The following DPAGT1 variants were observed in gnomAD, a reference collection of about 807,000 sequenced individuals.
DPAGT1 encodes the protein UDP-N-acetylglucosamine--dolichyl-phosphate N-acetylglucosaminephosphotransferase.
DPAGT1 carries 25 observed loss-of-function variants against 39.3 expected under a neutral mutation model. The observed-to-expected ratio is 0.64, with a 90% CI of 0.46 to 0.89. The LOEUF (loss-of-function observed/expected upper bound fraction) is 0.89, where lower values mean the gene tolerates loss of function less well. DPAGT1 is among the 40% of genes least tolerant of loss of function. The pLI is 0.00. For synonymous variants in DPAGT1, 193 were observed against 201.4 expected (o/e 0.96, Z 0.36); for missense variants, 381 against 500.6 (o/e 0.76, Z 2.28).
Position 119,100,746 on chromosome 11 carries a change from AG to A in DPAGT1, c.379del (p.Leu127CysfsTer61). 6.2e-7 allele frequency: 1 copy of A among 1,614,212 alleles called. No individual in the cohort carries two copies. The highest frequency in any genetic ancestry group is 8.5e-7 in the Non-Finnish European group (1 of 1,180,040). ...AGGTAGTGAGGCAGCTGTAGGTAGCAGCAGCTTATGGCGCCAGCGCAGATTC... is the reference window on the plus strand; with the variant it reads ...AGGTAGTGAGGCAGCTGTAGGTAGCACAGCTTATGGCGCCAGCGCAGATTC... ...VLNLRWRHKL[L>X]LPTAASLPLL... is the part of the protein sequence containing the mutation. On this transcript the variant is annotated frameshift_variant, in exon 3 of 9. Coordinates refer to ENST00000354202, the MANE Select transcript of DPAGT1 (RefSeq NM_001382.4). LOFTEE classifies it high-confidence loss of function.
At chr11:119,099,755 T>A (rs536954886) in intron 4 of DPAGT1, among the ~76,000 whole-genome samples, 1 of 128,208 alleles carries the variant, frequency 7.8e-6, no homozygotes, top group Non-Finnish European at 1.5e-5. Context: ...CTCTCCAGCC[T>A]GCATGACAGA....
Position 119,097,384 on chromosome 11 carries a change from G to A in DPAGT1, c.1005+80C>T. On this transcript the variant is annotated intron_variant, in intron 7 of 8. Transcript: ENST00000354202. This position sits in a 1 kb window ranked among gnomAD's most constrained non-coding sequence, Gnocchi z 4.6. Reference sequence around the variant, plus strand: ...ATTTAATGCTTTCAAGTTCCCCTTGGATCTGATGTAGGACTAGGTTCCCCA... The same window carrying A: ...ATTTAATGCTTTCAAGTTCCCCTTGAATCTGATGTAGGACTAGGTTCCCCA... The A allele has an allele frequency of 1.2e-6, 2 of 1,612,218 alleles. No homozygotes were observed. Among genetic ancestry groups the A allele is most frequent in the Admixed American group, 3.3e-5 (2 of 60,020 alleles).
intron 4 of DPAGT1, among the ~76,000 whole-genome samples, chr11:119,099,687 G>C (rs1946459011): frequency 6.6e-6 from 1 of 151,176 alleles, no homozygotes; most frequent in Non-Finnish European, 1.5e-5. Context: ...TACTTGGGAG[G>C]CTGGGGCAGG....
In DPAGT1 at chr11:119,097,293, GC is replaced by G. The variant is rs1565762731; in HGVS notation, c.1009del (p.Ala337GlnfsTer7). ...SFLGTFILKV[A>X]ESLQLVTVHQ... ...TACTGTCACCAGCTGGAGGCTCTCT[GC>G]CACCTGGAGGGACCAGAGGTGAAGA... On this transcript the variant is annotated frameshift_variant, in exon 8 of 9. Transcript: ENST00000354202. LOFTEE classifies it high-confidence loss of function. This position sits in a 1 kb window ranked among gnomAD's most constrained non-coding sequence, Gnocchi z 4.6. The G allele has an allele frequency of 6.2e-7, 1 of 1,614,172 alleles. No individual in the cohort carries two copies. The highest frequency in any genetic ancestry group is 1.3e-5 in the African/African-American group (1 of 75,026).
Position 119,098,014 on chromosome 11 carries a change from G to GT in DPAGT1, c.757dup (p.Thr253AsnfsTer97). 1 of 1,614,180 alleles carries GT rather than the reference G, an allele frequency of 6.2e-7. No homozygotes were observed. Among genetic ancestry groups the GT allele is most frequent in the South Asian group, 1.1e-5 (1 of 91,082 alleles). ...GGTCATGCCAGCAAAGTAACAGAAG[G>GT]TATCTCCCACAAACACCCGTGATGG... On this transcript the variant is annotated frameshift_variant, in exon 6 of 9. Coordinates refer to ENST00000354202, the MANE Select transcript of DPAGT1 (RefSeq NM_001382.4). LOFTEE classifies it high-confidence loss of function.
Position 119,101,782 on chromosome 11 carries a change from G to A in DPAGT1, c.-127C>T, listed in dbSNP as rs943910308. 8.4e-6 allele frequency: 13 copies of A among 1,550,782 alleles called. No homozygotes were observed. The Admixed American group carries it at 1.9e-4, about 23-fold the overall frequency. On this transcript the variant is annotated 5_prime_UTR_variant, in exon 1 of 9. Coordinates refer to ENST00000354202, the MANE Select transcript of DPAGT1 (RefSeq NM_001382.4). Reference sequence around the variant, plus strand: ...GCAGGCTCTTCCCACACCAATCTGAGCAAAACCCAGCAACTCTGACTTGAG... The same window carrying A: ...GCAGGCTCTTCCCACACCAATCTGAACAAAACCCAGCAACTCTGACTTGAG...
At chr11:119,101,469 G>T in intron 1 of DPAGT1, 26 bp downstream of exon 1, 5 of 1,613,900 alleles carry the variant, frequency 3.1e-6, no homozygotes, top group Non-Finnish European at 4.2e-6. Flanking sequence ...CTTGCCCCCT[G>T]CCCGGACCCG....
chr11:119,097,163 T>C lies in DPAGT1; in HGVS notation c.1140A>G (p.Thr380=). The change falls in exon 8 of 9, where the codon ACA becomes ACG. Residue 380 remains threonine, a synonymous_variant. Coordinates refer to ENST00000354202, the MANE Select transcript of DPAGT1 (RefSeq NM_001382.4). This position sits in a 1 kb window ranked among gnomAD's most constrained non-coding sequence, Gnocchi z 4.6. ...VLGPIHERNL[T]LLLLLLQILG... is the part of the protein sequence containing the mutation. ...TCACCTGCAGCAGCAGCAGGAGCAA[T>C]GTGAGGTTTCTCTCATGTATGGGCC... The C allele has an allele frequency of 6.2e-7, 1 of 1,614,066 alleles. No individual in the cohort carries two copies. Among genetic ancestry groups the C allele is most frequent in the Non-Finnish European group, 8.5e-7 (1 of 1,180,002 alleles).
At chr11:119,095,508 C>T, downstream of DPAGT1, 1 of 1,150,794 alleles carries the variant, frequency 8.7e-7, no homozygotes. Flanking sequence ...GCCCCCAGGA[C>T]ACACCTCTGC....
In DPAGT1 at chr11:119,097,522, A is replaced by AT; in HGVS notation, c.946dup (p.Met316AsnfsTer34). On this transcript the variant is annotated frameshift_variant, in exon 7 of 9. Transcript: ENST00000354202. LOFTEE classifies it high-confidence loss of function. This position sits in a 1 kb window ranked among gnomAD's most constrained non-coding sequence, Gnocchi z 4.6. Reference sequence around the variant, plus strand: ...CTTGGTCTTGAACTTGGAATAGCTCATCTCCAGTTTGCCTGTCTTGATATT... The same window carrying AT: ...CTTGGTCTTGAACTTGGAATAGCTCATTCTCCAGTTTGCCTGTCTTGATATT... 3 of 1,612,258 alleles carry AT rather than the reference A, an allele frequency of 1.9e-6. No individual in the cohort carries two copies. Among genetic ancestry groups the AT allele is most frequent in the Non-Finnish European group, 2.5e-6 (3 of 1,178,234 alleles).
chr11:119,099,972 C>T lies in DPAGT1; in HGVS notation c.643+290G>A, dbSNP rs79524875. Among the ~76,000 whole-genome samples, 10,486 of 152,040 alleles carry T rather than the reference C, an allele frequency of 0.069. 511 individuals are homozygous for T. Among genetic ancestry groups the T allele is most frequent in the South Asian group, 0.28 (1,325 of 4,798 alleles). ...GTCTAGTTTTAGTCTTGCTCCATCA[C>T]GGTCACAGAATGACCCTGTGTAACG... On this transcript the variant is annotated intron_variant, in intron 4 of 8. Transcript: ENST00000354202.
downstream of DPAGT1, chr11:119,095,533 C>T (rs1946379573): frequency 9.5e-6 from 9 of 951,802 alleles, no homozygotes; most frequent in South Asian, 1.6e-4. Context: ...TCCTGATTGG[C>T]TCTTTTCTCC....
chr11:119,101,180 G>C, intron 1 of DPAGT1, 42 bp from the exon 2 acceptor site: 1 of 1,612,794 alleles, frequency 6.2e-7, no homozygotes, highest in Non-Finnish European at 8.5e-7. Context: ...AGAGGAAAGG[G>C]GGCGTGGTCA....
At chr11:119,095,444 C>G, downstream of DPAGT1, 2 of 1,451,366 alleles carry the variant, frequency 1.4e-6, no homozygotes, top group Non-Finnish European at 1.8e-6. Flanking sequence ...CTAGAACAGA[C>G]GCCCGCCGCA....
At chr11:119,098,188 C>T in intron 5 of DPAGT1, 145 bp from the exon 6 acceptor site, 2 of 1,217,382 alleles carry the variant, frequency 1.6e-6, no homozygotes, top group Non-Finnish European at 2.4e-6. Context: ...CTGCAGGATC[C>T]AAGGCCCTGA....
chr11:119,101,250 C>G (rs79252802), intron 1 of DPAGT1, 112 bp from the exon 2 acceptor site: 2 of 1,525,308 alleles, frequency 1.3e-6, no homozygotes, highest in Non-Finnish European at 1.8e-6. Flanking sequence ...GTTTTTTATT[C>G]TGGTAAGTGG....
rs1452552613 is a variant in DPAGT1 at position 119,100,570 on chromosome 11, G to A, written c.496+60C>T. ...AGGAACACTTGGAGGAGAATGTGGA[G>A]CACCAGGAAGGGTTCCCTGAAGTAG... On this transcript the variant is annotated intron_variant, in intron 3 of 8. Coordinates refer to ENST00000354202, the MANE Select transcript of DPAGT1 (RefSeq NM_001382.4). 5.0e-6 allele frequency: 8 copies of A among 1,604,502 alleles called. No individual in the cohort carries two copies. In the Admixed American group the frequency reaches 1.3e-4, roughly 27 times the overall value.
Position 119,100,275 on chromosome 11 carries a change from C to T in DPAGT1, c.630G>A (p.Leu210=), listed in dbSNP as rs757171035. 4 of 1,614,016 alleles carry T rather than the reference C, an allele frequency of 2.5e-6. No individual in the cohort carries two copies. The highest frequency in any genetic ancestry group is 3.4e-6 in the Non-Finnish European group (4 of 1,180,018). ...AATCCCACCTACCTTCCAACTCTAC[C>T]AGGTTGAAGACAATGATGGAAGCAG... ...VISASIIVFN[L]VELEGDCRDD... The change falls in exon 4 of 9, where the codon CTG becomes CTA. Residue 210 remains leucine, a synonymous_variant. Coordinates refer to ENST00000354202, the MANE Select transcript of DPAGT1 (RefSeq NM_001382.4).
At chr11:119,095,554 TC>T, downstream of DPAGT1, 1 of 787,542 alleles carries the variant, frequency 1.3e-6, no homozygotes, top group Non-Finnish European at 1.9e-6. Context: ...AATACCCGCC[TC>T]CGGTTGGTTG....
Sources: allele counts gnomAD v4.1 joint callset (sites outside exome capture counted in the v4.1 genomes callset), GRCh38; gene constraint gnomAD v4.1.1; non-coding constraint Gnocchi (gnomAD v3.1); transcripts MANE v1.5; gene names NCBI Gene and HGNC (gene_info 2026-07-23, HGNC 2026-07-21).